SETBP1: variants seen among roughly 807,000 people sequenced by gnomAD.
SETBP1 encodes SET-binding protein.
In SETBP1, 9 loss-of-function variants were observed where a neutral mutation model predicts 101.0. The ratio of observed to expected loss-of-function variants is 0.09; its 90% CI spans 0.05 to 0.16. The LOEUF (loss-of-function observed/expected upper bound fraction) is 0.16. SETBP1 is among the 10% of genes least tolerant of loss of function. The pLI, the probability that SETBP1 is intolerant of heterozygous loss-of-function variation, is 1.00. For synonymous variants in SETBP1, 818 were observed against 788.5 expected, an observed-to-expected ratio of 1.04 and a Z score of -0.63; for missense variants, 1,858 against 2,033.8, an observed-to-expected ratio of 0.91 and a Z score of 1.66.
intron 2 of SETBP1, among the ~76,000 whole-genome samples, chr18:44,725,720 C>T (rs1250423719): frequency 6.6e-6 from 1 of 152,080 alleles, no homozygotes; most frequent in African/African-American, 2.4e-5. Context: ...ACCTCCTCCC[C>T]CTCGGCCCCC....
intron 4 of SETBP1, among the ~76,000 whole-genome samples, chr18:45,013,131 A>C (rs950756070): frequency 6.6e-6 from 1 of 152,242 alleles, no homozygotes; most frequent in Non-Finnish European, 1.5e-5. Flanking sequence ...GTGTCTGCAC[A>C]GTAGAGAGCA....
At chr18:44,994,772 G>A (rs1436202089) in intron 4 of SETBP1, among the ~76,000 whole-genome samples, 1 of 152,156 alleles carries the variant, frequency 6.6e-6, no homozygotes, top group Non-Finnish European at 1.5e-5. Context: ...TTGAGCAAGA[G>A]AATACATGGC....
intron 4 of SETBP1, among the ~76,000 whole-genome samples, chr18:45,011,281 G>A (rs77712979): frequency 1.0e-3 from 153 of 152,200 alleles, no homozygotes; most frequent in Non-Finnish European, 2.0e-3. Flanking sequence ...TGGGCCCCCC[G>A]ATAAAGATCT....
At chr18:44,708,829 T>A (rs2069278300) in intron 2 of SETBP1, among the ~76,000 whole-genome samples, 1 of 152,346 alleles carries the variant, frequency 6.6e-6, no homozygotes, top group East Asian at 1.9e-4. Flanking sequence ...TTCTATAATC[T>A]AGAAACTTTA....
intron 3 of SETBP1, among the ~76,000 whole-genome samples, chr18:44,907,894 G>A (rs2070212688): frequency 6.6e-6 from 1 of 151,984 alleles, no homozygotes; most frequent in Non-Finnish European, 1.5e-5. Context: ...TGTCATATCT[G>A]GGGAGGGTTT....
intron 4 of SETBP1, among the ~76,000 whole-genome samples, chr18:45,022,557 C>G (rs533285984): frequency 1.3e-5 from 2 of 152,196 alleles, no homozygotes; most frequent in Non-Finnish European, 2.9e-5. Context: ...AGGCCAGGCA[C>G]GGTGGCCCAC....
intron 2 of SETBP1, among the ~76,000 whole-genome samples, chr18:44,708,318 T>C (rs2069264529): frequency 6.6e-6 from 1 of 152,188 alleles, no homozygotes; most frequent in African/African-American, 2.4e-5. Context: ...TGTTTCAAAC[T>C]CCTGGGAGTA....
chr18:44,778,062 T>C (rs1002160308), intron 2 of SETBP1, among the ~76,000 whole-genome samples: 1 of 152,186 alleles, frequency 6.6e-6, no homozygotes, highest in Non-Finnish European at 1.5e-5. Context: ...TGGCGTGTTC[T>C]CTAAAGCGTC....
At chr18:44,895,965 G>T (rs1459290586) in intron 3 of SETBP1, among the ~76,000 whole-genome samples, 4 of 152,086 alleles carry the variant, frequency 2.6e-5, no homozygotes, top group Admixed American at 1.3e-4. Flanking sequence ...ATGCCCGCAT[G>T]CTCACCCCAC....
chr18:44,978,407 T>C (rs2072038886), intron 4 of SETBP1, among the ~76,000 whole-genome samples: 1 of 152,170 alleles, frequency 6.6e-6, no homozygotes, highest in South Asian at 2.1e-4. Flanking sequence ...TATCTTGTAG[T>C]GATATTAATC....
At chr18:44,913,634 C>G (rs1261828533) in intron 3 of SETBP1, among the ~76,000 whole-genome samples, 1 of 152,210 alleles carries the variant, frequency 6.6e-6, no homozygotes, top group Admixed American at 6.5e-5. Flanking sequence ...TCCCTGCACT[C>G]TAATGAGGAG....
At chr18:45,037,811 G>T (rs575719190) in intron 4 of SETBP1, among the ~76,000 whole-genome samples, 1 of 152,046 alleles carries the variant, frequency 6.6e-6, no homozygotes, top group Admixed American at 6.6e-5. Context: ...TACCCTACAG[G>T]CTGATGACAC....
At chr18:45,046,284 C>G (rs150222792) in intron 5 of SETBP1, among the ~76,000 whole-genome samples, 352 of 152,266 alleles carry the variant, frequency 2.3e-3, no homozygotes, top group African/African-American at 7.9e-3. Flanking sequence ...AAGGTACACT[C>G]AAGAGTGTAT....
chr18:44,917,518 C>T (rs974499637), intron 3 of SETBP1, among the ~76,000 whole-genome samples: 7 of 152,104 alleles, frequency 4.6e-5, no homozygotes, highest in Admixed American at 1.3e-4. Flanking sequence ...TCTAAATGCC[C>T]GACTTTGTGG....
Position 44,925,220 on chromosome 18 carries a change from T to C in SETBP1, c.541-24661T>C, listed in dbSNP as rs1029217404. On this transcript the variant is annotated intron_variant, in intron 3 of 5. Transcript: ENST00000649279. Reference sequence around the variant, plus strand: ...TTCCATCTCCAAAAATGTATGTTTTTTTTTCACCCTGAAAATTCACACATA... The same window carrying C: ...TTCCATCTCCAAAAATGTATGTTTTCTTTTCACCCTGAAAATTCACACATA... Among the ~76,000 whole-genome samples, 6 of 151,970 alleles carry C rather than the reference T, an allele frequency of 3.9e-5. No individual in the cohort carries two copies. In the East Asian group the frequency reaches 9.6e-4, roughly 24 times the overall value.
At position 44,950,690 on chromosome 18, in the gene SETBP1, G is replaced by T; in HGVS notation, c.1350G>T (p.Arg450Ser). 2 of 1,614,138 alleles carry T rather than the reference G, an allele frequency of 1.2e-6. No individual in the cohort carries two copies. The highest frequency in any genetic ancestry group is 8.5e-7 in the Non-Finnish European group (1 of 1,180,010). Residue 450 changes from arginine to serine, a missense_variant, in exon 4 of 6, where the codon AGG becomes AGT. Physicochemically the swap from Arg to Ser is moderately radical, Grantham distance 110 (BLOSUM62 -1). This residue lies in a region of SETBP1 where 581 missense variants were observed against 535.1 expected (regional missense o/e 1.09). Coordinates refer to ENST00000649279, the MANE Select transcript of SETBP1 (RefSeq NM_015559.3). ...CCATGAGCAGTGAAGTAGTTAACAG[G>T]ATACTTTCCAACTCTGAGGGGAATA... ...GITMSSEVVN[R>S]ILSNSEGNKK... is the part of the protein sequence containing the mutation.
intron 5 of SETBP1, among the ~76,000 whole-genome samples, chr18:45,044,336 G>A (rs1021460946): frequency 6.6e-6 from 1 of 152,154 alleles, no homozygotes; most frequent in African/African-American, 2.4e-5. Context: ...TCTGAAAAGT[G>A]CTACCTATGG....
chr18:44,751,102 C>A (rs1377620247), intron 2 of SETBP1, among the ~76,000 whole-genome samples: 2 of 152,158 alleles, frequency 1.3e-5, no homozygotes, highest in Non-Finnish European at 2.9e-5. Context: ...CTATCTCCTG[C>A]AGGACATGGC....
intron 2 of SETBP1, among the ~76,000 whole-genome samples, chr18:44,777,209 C>T (rs904282739): frequency 1.3e-5 from 2 of 152,006 alleles, no homozygotes; most frequent in Non-Finnish European, 2.9e-5. Context: ...CCCAGCTACT[C>T]GGGAGGCTGA....
Sources: gnomAD v4.1 joint callset for allele counts (sites outside exome capture counted in the v4.1 genomes callset) on GRCh38, gnomAD v4.1.1 for gene constraint, gnomAD v4.1.1 regional missense constraint, MANE v1.5 for transcripts, NCBI Gene and HGNC (gene_info 2026-07-23, HGNC 2026-07-21) for gene names.